PYROXD2: variants seen among roughly 807,000 people sequenced by gnomAD.
PYROXD2 encodes pyridine nucleotide-disulphide oxidoreductase domain 2, also known as pyridine nucleotide-disulfide oxidoreductase domain-containing protein 2.
A neutral mutation model predicts 71.1 loss-of-function variants in PYROXD2; 69 were observed. The observed-to-expected ratio is 0.97, with a 90% CI of 0.80 to 1.19. PYROXD2 has a LOEUF of 1.19. Among genes scored for constraint, PYROXD2 ranks in the 50% most tolerant of loss-of-function variants. The pLI, the probability that PYROXD2 is intolerant of heterozygous loss-of-function variation, is 0.00. For synonymous variants in PYROXD2, 287 were observed against 302.7 expected (o/e 0.95, Z 0.54); for missense variants, 745 against 748.9 (o/e 0.99, Z 0.06).
At position 98,383,802 on chromosome 10, in the gene PYROXD2, AT is replaced by A; in HGVS notation, c.1741del (p.Met581CysfsTer33). 1.9e-6 allele frequency: 3 copies of A among 1,613,790 alleles called. No homozygotes were observed. Among genetic ancestry groups the A allele is most frequent in the Non-Finnish European group, 2.5e-6 (3 of 1,179,778 alleles). On this transcript the variant is annotated frameshift_variant, in exon 16 of 16. Coordinates refer to ENST00000370575, the MANE Select transcript of PYROXD2 (RefSeq NM_032709.3). LOFTEE classifies it high-confidence loss of function. ...AHVAFRDLKS[M>X] ...TGGGTCAGAGCTGGTTCAGGGTCAC[AT>A]GCTCTTGAGGTCCCTAAAGGCCACA...
chr10:98,393,022 C>T lies in PYROXD2; in HGVS notation c.847G>A (p.Val283Ile), dbSNP rs766761349. Residue 283 changes from valine to isoleucine, a missense_variant, in exon 9 of 16, where the codon GTC (valine) becomes ATC (isoleucine). By Grantham distance (29) the Val-to-Ile change is conservative. Transcript: ENST00000370575. ...LEGMQGAWGY[V>I]QGGMGALSDA... ...GAGAGGGCACCCATGCCCCCCTGGA[C>T]GTAGCCCCAGGCCCCCTGCATTCCC... The T allele has an allele frequency of 3.2e-5, 51 of 1,611,048 alleles. No homozygotes were observed. Among genetic ancestry groups the T allele is most frequent in the Middle Eastern group, 1.7e-4 (1 of 6,052 alleles).
At chr10:98,400,005 T>C (rs1843335817) in intron 5 of PYROXD2, 97 bp downstream of exon 5, 1 of 1,466,252 alleles carries the variant, frequency 6.8e-7, no homozygotes, top group Non-Finnish European at 9.2e-7. Flanking sequence ...TGGCGCAGTG[T>C]CCATGGCCTT....
chr10:98,406,854 C>T (rs1055879865), intron 4 of PYROXD2, among the ~76,000 whole-genome samples: 23 of 140,038 alleles, frequency 1.6e-4, no homozygotes, highest in Admixed American at 3.7e-4. Context: ...ATCGCGCCAC[C>T]GTACTCCAGC....
Position 98,391,065 on chromosome 10 carries a change from C to A in PYROXD2, c.1080G>T (p.Glu360Asp), listed in dbSNP as rs1161145086. The change falls in exon 11 of 16, where the codon GAG becomes GAT. Residue 360 changes from glutamate (E) to aspartate (D), a missense_variant. Transcript: ENST00000370575. ...CCAGCTGAGAGATTCTCTCCAGGAA[C>A]TCCTCAGGAAGCCACTCCTGGAAGG... ...KLTPQEWLPE[E>D]FLERISQLDT... The A allele has an allele frequency of 6.2e-7, 1 of 1,612,580 alleles. No individual in the cohort carries two copies. Among genetic ancestry groups the A allele is most frequent in the Admixed American group, 1.7e-5 (1 of 60,032 alleles).
chr10:98,387,116 ACAAGATAAAG>A, intron 14 of PYROXD2, 75 bp downstream of exon 14: 3 of 1,002,682 alleles, frequency 3.0e-6, no homozygotes, highest in Non-Finnish European at 4.5e-6. Flanking sequence ...GTATGGAGGG[ACAAGATAAAG>A]CAGAGAGGTC....
chr10:98,403,015 A>G (rs1460153215), intron 4 of PYROXD2, among the ~76,000 whole-genome samples: 2 of 152,220 alleles, frequency 1.3e-5, no homozygotes, highest in African/African-American at 4.8e-5. Context: ...CGAGGAAACC[A>G]AAAACAGGCT....
At chr10:98,401,573 CTT>C (rs1843412420) in intron 4 of PYROXD2, among the ~76,000 whole-genome samples, 1 of 152,136 alleles carries the variant, frequency 6.6e-6, no homozygotes, top group South Asian at 2.1e-4. Context: ...TAAAAAGACA[CTT>C]GGCTTAAAAC....
At chr10:98,413,443 C>T (rs1261087513) in intron 1 of PYROXD2, among the ~76,000 whole-genome samples, 1 of 152,222 alleles carries the variant, frequency 6.6e-6, no homozygotes, top group Non-Finnish European at 1.5e-5. Context: ...AGGCCGGGCG[C>T]AGTGGCTCAC....
chr10:98,385,614 A>G (rs1590927003), intron 14 of PYROXD2, among the ~76,000 whole-genome samples: 1 of 152,324 alleles, frequency 6.6e-6, no homozygotes, highest in East Asian at 1.9e-4. Context: ...AGGTCTGGAC[A>G]AGAAGCCTGA....
At chr10:98,388,285 G>A in intron 13 of PYROXD2, 69 bp downstream of exon 13, 2 of 1,507,346 alleles carry the variant, frequency 1.3e-6, no homozygotes, top group South Asian at 1.1e-5. Flanking sequence ...GGGCAGTGAG[G>A]AGGAGCAGGC....
intron 8 of PYROXD2, 27 bp downstream of exon 8, chr10:98,395,169 G>A: frequency 6.3e-7 from 1 of 1,589,918 alleles, no homozygotes; most frequent in Non-Finnish European, 8.6e-7. Context: ...CCCCACTCCT[G>A]TGTCCCACCT....
chr10:98,410,715 T>G, intron 2 of PYROXD2: 8 of 602,736 alleles, frequency 1.3e-5, no homozygotes, highest in Admixed American at 3.3e-5. Flanking sequence ...CCTTTCCCCA[T>G]TAGGGGAAGG....
intron 6 of PYROXD2, 98 bp downstream of exon 6, chr10:98,397,247 C>T: frequency 6.9e-7 from 1 of 1,439,750 alleles, no homozygotes; most frequent in Non-Finnish European, 9.2e-7. Flanking sequence ...AGCTGGCAGG[C>T]TGCCATGGAG....
At chr10:98,389,803 G>A (rs1435289252) in intron 12 of PYROXD2, among the ~76,000 whole-genome samples, 2 of 152,166 alleles carry the variant, frequency 1.3e-5, no homozygotes, top group African/African-American at 4.8e-5. Flanking sequence ...TTCCTCTCAT[G>A]GATAGAGAGT....
At chr10:98,407,704 G>A (rs1166415509) in intron 3 of PYROXD2, 49 bp from the exon 4 acceptor site, 8 of 1,551,994 alleles carry the variant, frequency 5.2e-6, no homozygotes, top group East Asian at 2.4e-5. Context: ...CCAGGGATGA[G>A]GACCGTCACC....
chr10:98,392,913 A>C (rs370350320), intron 9 of PYROXD2, 29 bp downstream of exon 9: 66 of 1,607,468 alleles, frequency 4.1e-5, no homozygotes, highest in Non-Finnish European at 5.4e-5. Flanking sequence ...CCTTACTAAT[A>C]ATTGGGGTGG....
At chr10:98,386,821 A>C (rs2135917194) in intron 14 of PYROXD2, among the ~76,000 whole-genome samples, 1 of 152,220 alleles carries the variant, frequency 6.6e-6, no homozygotes, top group Non-Finnish European at 1.5e-5. Flanking sequence ...CTGGCCTCCT[A>C]TCTGGTCTCC....
Position 98,408,114 on chromosome 10 carries a change from T to C in PYROXD2, c.148-117A>G, listed in dbSNP as rs1047971638. ...ATAGGCCAGTATGGGCCACACCCCA[T>C]GGCCTCCCTGCCCCGCTCATGCTGT... On this transcript the variant is annotated intron_variant, in intron 2 of 15. Coordinates refer to ENST00000370575, the MANE Select transcript of PYROXD2 (RefSeq NM_032709.3). The C allele has an allele frequency of 3.5e-6, 3 of 853,752 alleles. No individual in the cohort carries two copies. In the East Asian group the frequency reaches 8.2e-5, roughly 23 times the overall value. 52.9% of individuals were successfully genotyped at this position (853,752 alleles called of 1,614,324 possible).
chr10:98,384,327 A>G (rs1842682921), intron 15 of PYROXD2, among the ~76,000 whole-genome samples: 1 of 152,188 alleles, frequency 6.6e-6, no homozygotes, highest in Non-Finnish European at 1.5e-5. Flanking sequence ...AACTTTATCC[A>G]TCCTTCCTGG....
Sources: allele counts gnomAD v4.1 joint callset (sites outside exome capture counted in the v4.1 genomes callset), GRCh38; gene constraint gnomAD v4.1.1; transcripts MANE v1.5; gene names NCBI Gene and HGNC (gene_info 2026-07-23, HGNC 2026-07-21).